The following SOX5 variants were observed in gnomAD, a reference collection of about 807,000 sequenced individuals.
SOX5 encodes SRY-box transcription factor 5, also known as transcription factor SOX-5.
A neutral mutation model predicts 92.0 loss-of-function variants in SOX5; 9 were observed. The observed-to-expected ratio is 0.10, with a 90% CI of 0.06 to 0.17. The LOEUF (loss-of-function observed/expected upper bound fraction) is 0.17, where lower values mean the gene tolerates loss of function less well. Ranked by LOEUF, SOX5 falls within the 10% of genes least tolerant of loss-of-function variation. The pLI is 1.00. For synonymous variants in SOX5, 344 were observed against 336.3 expected, an observed-to-expected ratio of 1.02 and a Z score of -0.25; for missense variants, 642 against 944.5, an observed-to-expected ratio of 0.68 and a Z score of 4.20.
chr12:24,462,846 ACAATGTAT>A (rs1157085200), intron 1 of SOX5, among the ~76,000 whole-genome samples: 1 of 152,210 alleles, frequency 6.6e-6, no homozygotes, highest in Non-Finnish European at 1.5e-5. Context: ...TTTAAATGAG[ACAATGTAT>A]CAAACAGAAC....
rs1415241122 is a variant in SOX5 at position 24,556,314 on chromosome 12, A to T, written c.-251+6015T>A. Among the ~76,000 whole-genome samples, 3 of 152,230 alleles carry T rather than the reference A, an allele frequency of 2.0e-5. No homozygotes were observed. The East Asian group carries it at 5.8e-4, about 29-fold the overall frequency. On this transcript the variant is annotated intron_variant, in intron 1 of 4. Transcript: ENST00000446891. ...TCTTTGCTTAGTTGTACTGATAGAC[A>T]AATTCTGTTTCATTGGGAAGAGAAA...
chr12:24,519,082 A>G (rs750042578), intron 1 of SOX5, among the ~76,000 whole-genome samples: 1 of 152,156 alleles, frequency 6.6e-6, no homozygotes, highest in African/African-American at 2.4e-5. Context: ...CAGAGCTGAG[A>G]AATTGAGAAC....
chr12:24,335,328 A>C (rs1039423977), intron 2 of SOX5, among the ~76,000 whole-genome samples: 8 of 152,212 alleles, frequency 5.3e-5, no homozygotes, highest in African/African-American at 1.9e-4. Context: ...CAATTAAAAA[A>C]ATCTCTGTAA....
At chr12:23,668,302 G>A (rs149502006) in intron 6 of SOX5, among the ~76,000 whole-genome samples, 3 of 152,232 alleles carry the variant, frequency 2.0e-5, no homozygotes, top group Non-Finnish European at 2.9e-5. Flanking sequence ...CCGGAAGCTC[G>A]CAAGAATCTA....
chr12:24,163,741 A>AT (rs1267320965), intron 4 of SOX5, among the ~76,000 whole-genome samples: 2 of 151,784 alleles, frequency 1.3e-5, no homozygotes, highest in African/African-American at 2.4e-5. Context: ...AAAAATAATA[A>AT]TTTTTTCTTT....
intron 4 of SOX5, among the ~76,000 whole-genome samples, chr12:24,077,246 CTG>C (rs1302421807): frequency 2.6e-5 from 4 of 152,214 alleles, no homozygotes; most frequent in African/African-American, 9.6e-5. Context: ...GTAACCAAGA[CTG>C]ACTCTGGTGC....
intron 1 of SOX5, among the ~76,000 whole-genome samples, chr12:24,405,718 G>A (rs561670142): frequency 6.6e-6 from 1 of 152,144 alleles, no homozygotes; most frequent in African/African-American, 2.4e-5. Flanking sequence ...GACAGATCGG[G>A]AGATTCAACT....
intron 4 of SOX5, among the ~76,000 whole-genome samples, chr12:24,147,368 A>C (rs1022560329): frequency 6.6e-6 from 1 of 152,200 alleles, no homozygotes; most frequent in Non-Finnish European, 1.5e-5. Context: ...GAAAACACAA[A>C]GTCCAATATC....
intron 2 of SOX5, among the ~76,000 whole-genome samples, chr12:24,321,493 A>G (rs1950208868): frequency 6.6e-6 from 1 of 152,084 alleles, no homozygotes; most frequent in African/African-American, 2.4e-5. Flanking sequence ...TTACTATATA[A>G]AAGTCAAAGA....
chr12:24,073,180 A>G (rs531788175), intron 4 of SOX5, among the ~76,000 whole-genome samples: 1 of 152,236 alleles, frequency 6.6e-6, no homozygotes, highest in Non-Finnish European at 1.5e-5. Context: ...GCTGTTTTTC[A>G]TCAAGGATTG....
At chr12:23,821,656 T>G (rs550360999) in intron 3 of SOX5, among the ~76,000 whole-genome samples, 1 of 152,360 alleles carries the variant, frequency 6.6e-6, no homozygotes, top group Admixed American at 6.5e-5. Context: ...GTTCTATTTA[T>G]GTGATGGATG....
At chr12:24,136,249 G>A (rs1338792634) in intron 4 of SOX5, among the ~76,000 whole-genome samples, 1 of 152,242 alleles carries the variant, frequency 6.6e-6, no homozygotes, top group Non-Finnish European at 1.5e-5. Flanking sequence ...GTCCTCAAGG[G>A]ATGCTGAGAA....
At position 23,985,917 on chromosome 12, in the gene SOX5, G is replaced by T. The variant is rs543066102; in HGVS notation, c.-1-89893C>A. Among the ~76,000 whole-genome samples, 4 of 151,966 alleles carry T rather than the reference G, an allele frequency of 2.6e-5. No homozygotes were observed. The South Asian group carries it at 8.3e-4, about 32-fold the overall frequency. ...AATCTGCCCAAATTCTCAGCTCACG[G>T]TCCCCTTCAGTGTTTAAAGCCAGCA... On this transcript the variant is annotated intron_variant, in intron 4 of 4. Coordinates refer to the SOX5 transcript ENST00000446891.
chr12:24,008,395 A>C (rs1952553153), intron 4 of SOX5, among the ~76,000 whole-genome samples: 1 of 152,148 alleles, frequency 6.6e-6, no homozygotes, highest in African/African-American at 2.4e-5. Context: ...ACACTCAAGA[A>C]GACTTTGACA....
At chr12:23,655,642 G>A (rs74071399) in intron 7 of SOX5, among the ~76,000 whole-genome samples, 2,507 of 152,088 alleles carry the variant, frequency 0.016, 61 homozygotes, top group African/African-American at 0.056. Context: ...GGCAGACATC[G>A]TATACCTCCT....
At chr12:24,229,436 C>T (rs1962887709) in intron 3 of SOX5, among the ~76,000 whole-genome samples, 2 of 152,052 alleles carry the variant, frequency 1.3e-5, no homozygotes, top group Non-Finnish European at 2.9e-5. Context: ...ATAAACAAGG[C>T]ATTCCCTTTT....
chr12:24,498,940 T>G (rs910804951), intron 1 of SOX5, among the ~76,000 whole-genome samples: 1 of 152,190 alleles, frequency 6.6e-6, no homozygotes, highest in Non-Finnish European at 1.5e-5. Context: ...GCTTGCCGTT[T>G]ACCTCTTCTC....
chr12:23,869,997 A>T (rs148236458), intron 2 of SOX5, among the ~76,000 whole-genome samples: 1 of 152,168 alleles, frequency 6.6e-6, no homozygotes, highest in Non-Finnish European at 1.5e-5. Context: ...CAGATATTAA[A>T]TATTAGCTTA....
At chr12:23,749,817 G>C (rs1319393300) in intron 4 of SOX5, among the ~76,000 whole-genome samples, 1 of 151,814 alleles carries the variant, frequency 6.6e-6, no homozygotes. Context: ...TTGGAATGTA[G>C]TCAATAATAG....
Sources: allele counts gnomAD v4.1 joint callset (sites outside exome capture counted in the v4.1 genomes callset), GRCh38; gene constraint gnomAD v4.1.1; transcripts MANE v1.5; gene names NCBI Gene and HGNC (gene_info 2026-07-23, HGNC 2026-07-21).